Variants in GRID1 observed in about 807,000 individuals in gnomAD.
GRID1 encodes glutamate ionotropic receptor delta type subunit 1.
In GRID1, 28 loss-of-function variants were observed where a neutral mutation model predicts 98.0. The observed-to-expected ratio is 0.29, with a 90% CI of 0.21 to 0.39. The LOEUF is 0.39. Ranked by LOEUF, GRID1 falls within the 10% of genes least tolerant of loss-of-function variation. The pLI, the probability that GRID1 is intolerant of heterozygous loss-of-function variation, is 1.00. For missense variants in GRID1, 1,111 were observed against 1,340.5 expected (o/e 0.83, Z 2.67); for synonymous variants, 553 against 538.5 (o/e 1.03, Z -0.37).
chr10:86,174,346 C>A (rs970324427), intron 3 of GRID1, among the ~76,000 whole-genome samples: 5 of 152,104 alleles, frequency 3.3e-5, no homozygotes, highest in African/African-American at 1.2e-4. Flanking sequence ...CACATATCTG[C>A]AGCTATCTGA....
At chr10:85,827,977 A>G (rs1459823843) in intron 8 of GRID1, among the ~76,000 whole-genome samples, 2 of 152,176 alleles carry the variant, frequency 1.3e-5, no homozygotes, top group East Asian at 1.9e-4. Context: ...AAACAAAAGA[A>G]TATACATACT....
In GRID1 at chr10:85,601,183, C is replaced by G. The variant is rs780612279; in HGVS notation, c.*1090G>C. On this transcript the variant is annotated 3_prime_UTR_variant, in exon 16 of 16. Coordinates refer to ENST00000327946, the MANE Select transcript of GRID1 (RefSeq NM_017551.3). ...TGCCCCATCACCTGGAGTACTGGTC[C>G]ACCCACCTGGGCACCTCCCCCAACT... is the stretch of plus-strand genomic sequence containing the variant. The G allele has an allele frequency of 6.6e-6, 1 of 152,282 alleles. No individual in the cohort carries two copies. Among genetic ancestry groups the G allele is most frequent in the South Asian group, 2.1e-4 (1 of 4,830 alleles). The allele number at this position is 152,282 out of a possible 1,614,324, so 9.4% of individuals were successfully genotyped here. A position where few individuals can be genotyped will look rare whatever the true frequency, so the allele number is the denominator to read the frequency against.
At chr10:85,910,573 G>A (rs1334301583) in intron 5 of GRID1, among the ~76,000 whole-genome samples, 1 of 152,096 alleles carries the variant, frequency 6.6e-6, no homozygotes. Flanking sequence ...TGGGGGCTGG[G>A]GCCTGAGACT....
At chr10:85,929,131 G>T (rs776459399) in intron 4 of GRID1, among the ~76,000 whole-genome samples, 1 of 152,180 alleles carries the variant, frequency 6.6e-6, no homozygotes, top group South Asian at 2.1e-4. Flanking sequence ...AAAGGAAAGG[G>T]TGTCCCACAT....
At chr10:86,142,806 TG>T (rs967178444) in intron 3 of GRID1, among the ~76,000 whole-genome samples, 13 of 152,342 alleles carry the variant, frequency 8.5e-5, no homozygotes, top group African/African-American at 3.1e-4. Context: ...CCTCTCAGTC[TG>T]GGGGAAAAGT....
intron 4 of GRID1, among the ~76,000 whole-genome samples, chr10:85,936,851 C>T (rs746876776): frequency 6.6e-6 from 1 of 152,206 alleles, no homozygotes; most frequent in Non-Finnish European, 1.5e-5. Flanking sequence ...TCTTCTTGCA[C>T]TAAGTTAAAA....
chr10:85,936,402 A>T (rs529326272), intron 4 of GRID1, among the ~76,000 whole-genome samples: 1 of 152,250 alleles, frequency 6.6e-6, no homozygotes, highest in Admixed American at 6.5e-5. Flanking sequence ...AGGCAGCCAC[A>T]TGAATCGCAT....
intron 4 of GRID1, among the ~76,000 whole-genome samples, chr10:86,073,523 T>A (rs2131923153): frequency 6.6e-6 from 1 of 152,174 alleles, no homozygotes; most frequent in Admixed American, 6.5e-5. Flanking sequence ...GGAAACAGGG[T>A]TTGCTAGTGA....
At chr10:86,013,396 G>T (rs1842942993) in intron 4 of GRID1, among the ~76,000 whole-genome samples, 2 of 152,242 alleles carry the variant, frequency 1.3e-5, no homozygotes, top group South Asian at 2.1e-4. Context: ...TTCTAAGTTG[G>T]CAGATACAAA....
chr10:85,734,033 A>T (rs1440073891), intron 8 of GRID1, among the ~76,000 whole-genome samples: 3 of 152,190 alleles, frequency 2.0e-5, no homozygotes, highest in African/African-American at 7.2e-5. Flanking sequence ...ACGACTCAAA[A>T]CTGCATGATA....
intron 4 of GRID1, among the ~76,000 whole-genome samples, chr10:86,102,266 G>A (rs565220737): frequency 3.3e-5 from 5 of 152,378 alleles, no homozygotes; most frequent in African/African-American, 1.2e-4. Flanking sequence ...CAGGTCAGGA[G>A]GCTGATGCCA....
At chr10:86,229,540 C>T (rs571582937) in intron 2 of GRID1, among the ~76,000 whole-genome samples, 20 of 152,328 alleles carry the variant, frequency 1.3e-4, no homozygotes, top group South Asian at 1.2e-3. Flanking sequence ...ACAGGGCACC[C>T]TCTATGAGTT....
chr10:85,941,743 G>A (rs1025132802), intron 4 of GRID1, among the ~76,000 whole-genome samples: 1 of 152,192 alleles, frequency 6.6e-6, no homozygotes, highest in African/African-American at 2.4e-5. Flanking sequence ...AATTCAGGAG[G>A]TGTGCAAAAG....
chr10:86,154,577 A>T (rs1845218338), intron 3 of GRID1, among the ~76,000 whole-genome samples: 1 of 152,178 alleles, frequency 6.6e-6, no homozygotes, highest in African/African-American at 2.4e-5. Flanking sequence ...GAGTGGCTGC[A>T]GATCCTGGGA....
At chr10:86,023,010 G>A (rs1843070074) in intron 4 of GRID1, among the ~76,000 whole-genome samples, 1 of 151,998 alleles carries the variant, frequency 6.6e-6, no homozygotes, top group Admixed American at 6.5e-5. Context: ...ATGTTGGGGG[G>A]CCACAGGATA....
chr10:85,927,527 C>A (rs1258109020), intron 4 of GRID1, among the ~76,000 whole-genome samples: 3 of 127,156 alleles, frequency 2.4e-5, no homozygotes, highest in African/African-American at 6.0e-5. Context: ...AAAAAAAAAT[C>A]TGTGGGAAAG....
At chr10:86,260,846 A>G (rs1847005863) in intron 2 of GRID1, among the ~76,000 whole-genome samples, 1 of 152,250 alleles carries the variant, frequency 6.6e-6, no homozygotes, top group South Asian at 2.1e-4. Context: ...TCCAGAGCTG[A>G]TAAGACAGCC....
intron 2 of GRID1, among the ~76,000 whole-genome samples, chr10:86,321,085 G>A (rs1847964055): frequency 2.1e-5 from 3 of 144,072 alleles, no homozygotes; most frequent in African/African-American, 2.6e-5. Context: ...GGGCGACAGA[G>A]TGAGACTCCA....
chr10:86,297,089 C>T (rs141395476), intron 2 of GRID1, among the ~76,000 whole-genome samples: 1 of 152,258 alleles, frequency 6.6e-6, no homozygotes, highest in Non-Finnish European at 1.5e-5. Flanking sequence ...TTAACTTATA[C>T]ATTTAATTCA....
Sources: allele counts gnomAD v4.1 joint callset (sites outside exome capture counted in the v4.1 genomes callset), GRCh38; gene constraint gnomAD v4.1.1; transcripts MANE v1.5; gene names NCBI Gene and HGNC (gene_info 2026-07-23, HGNC 2026-07-21).